The following RGPD5 variants were observed in gnomAD, a reference collection of about 807,000 sequenced individuals.
RGPD5 encodes RANBP2-like and GRIP domain-containing protein 5/6.
chr2:109,766,847 G>A, the RGPD5 span, among the ~76,000 whole-genome samples: 36 of 150,182 alleles, frequency 2.4e-4, 1 homozygote, highest in African/African-American at 7.6e-4. Context: ...TCGAGGCCCC[G>A]TAAAAGACGA....
the RGPD5 span, among the ~76,000 whole-genome samples, chr2:109,775,028 G>T: frequency 1.6e-5 from 1 of 62,750 alleles, no homozygotes; most frequent in African/African-American, 8.0e-5. Context: ...TCATTTTGCT[G>T]TTTCTTCTTA....
the RGPD5 span, among the ~76,000 whole-genome samples, chr2:109,771,459 T>C: frequency 1.9e-5 from 2 of 105,074 alleles, no homozygotes. Flanking sequence ...CGCAGAAGCA[T>C]GTCTACGTGC....
At chr2:109,765,914 A>C in the RGPD5 span, among the ~76,000 whole-genome samples, 4 of 150,492 alleles carry the variant, frequency 2.7e-5, no homozygotes, top group Non-Finnish European at 5.9e-5. Flanking sequence ...CCTGATCTTG[A>C]CCTTCAGGTG....
At position 109,799,261 on chromosome 2, in the gene RGPD5, G is replaced by C. The variant is rs1315306971; in HGVS notation, c.73-2522G>C. On this transcript the variant is annotated intron_variant, in intron 1 of 22. Coordinates refer to ENST00000016946, the MANE Select transcript of RGPD5 (RefSeq NM_005054.3). Reference sequence around the variant, plus strand: ...TCAAAAAAAAAAAAAAAAAAGGAAGGGGGGAACAGGCCTTGTTCCTTTATG... The same window carrying C: ...TCAAAAAAAAAAAAAAAAAAGGAAGCGGGGAACAGGCCTTGTTCCTTTATG... Among the ~76,000 whole-genome samples the C allele has an allele frequency of 1.4e-4, 19 of 136,850 alleles. No homozygotes were observed. The East Asian group carries it at 3.3e-3, about 24-fold the overall frequency. 89.8% of individuals were successfully genotyped at this position (136,850 alleles called of 152,430 possible).
At chr2:109,778,437 T>C in the RGPD5 span, among the ~76,000 whole-genome samples, 1 of 149,900 alleles carries the variant, frequency 6.7e-6, no homozygotes, top group Non-Finnish European at 1.5e-5. Context: ...TCTTAGCTTT[T>C]CTATTATCTC....
the RGPD5 span, among the ~76,000 whole-genome samples, chr2:109,765,745 A>G: frequency 6.6e-6 from 1 of 151,042 alleles, no homozygotes; most frequent in African/African-American, 2.4e-5. Flanking sequence ...ATGCAGAGGC[A>G]CTAGCAGTTT....
At chr2:109,780,682 CA>C in the RGPD5 span, among the ~76,000 whole-genome samples, 3 of 101,574 alleles carry the variant, frequency 3.0e-5, 1 homozygote, top group African/African-American at 1.5e-4. Flanking sequence ...GTCGAACTGT[CA>C]AACACAAGCA....
At chr2:109,760,673 G>GGCGGCGGCGGCGGTA in the RGPD5 span, among the ~76,000 whole-genome samples, 1 of 145,266 alleles carries the variant, frequency 6.9e-6, no homozygotes, top group East Asian at 2.2e-4. Context: ...CCCGAGCTTC[G>GGCGGCGGCGGCGGTA]GCGGCGGCGG....
the RGPD5 span, among the ~76,000 whole-genome samples, chr2:109,760,910 G>T: frequency 7.4e-6 from 1 of 134,260 alleles, no homozygotes; most frequent in South Asian, 2.6e-4. Flanking sequence ...CGCCTGCCTC[G>T]CCAGCCCTTT....
the RGPD5 span, among the ~76,000 whole-genome samples, chr2:109,760,665 C>A: frequency 1.4e-5 from 2 of 140,710 alleles, no homozygotes; most frequent in African/African-American, 2.6e-5. Flanking sequence ...GCGGGCGGCC[C>A]GAGCTTCGGC....
the RGPD5 span, among the ~76,000 whole-genome samples, chr2:109,766,728 A>G: frequency 6.7e-6 from 1 of 148,842 alleles, no homozygotes; most frequent in African/African-American, 2.5e-5. Context: ...AAACCTCTCA[A>G]TATGGAATGC....
chr2:109,763,074 T>A, the RGPD5 span, among the ~76,000 whole-genome samples: 1 of 150,204 alleles, frequency 6.7e-6, no homozygotes, highest in Non-Finnish European at 1.5e-5. Flanking sequence ...TATTTTCATA[T>A]CCATTGTTTT....
the RGPD5 span, among the ~76,000 whole-genome samples, chr2:109,766,241 GC>G: frequency 2.0e-5 from 3 of 151,294 alleles, no homozygotes; most frequent in Non-Finnish European, 4.4e-5. Context: ...AGGGCTGTGG[GC>G]AGCAGTGGGG....
the RGPD5 span, among the ~76,000 whole-genome samples, chr2:109,764,499 C>T: frequency 1.3e-5 from 2 of 149,432 alleles, no homozygotes; most frequent in African/African-American, 4.9e-5. Flanking sequence ...GTGCTGGTTT[C>T]TGTGGGAGAT....
the RGPD5 span, among the ~76,000 whole-genome samples, chr2:109,763,088 A>G: frequency 1.3e-5 from 2 of 150,140 alleles, no homozygotes; most frequent in Admixed American, 1.4e-4. Context: ...TTGTTTTCTT[A>G]TTTGAGTCTC....
At chr2:109,766,785 T>C in the RGPD5 span, among the ~76,000 whole-genome samples, 2 of 150,118 alleles carry the variant, frequency 1.3e-5, no homozygotes, top group African/African-American at 4.9e-5. Flanking sequence ...TAGATTTGCC[T>C]GTTTGATTTT....
the RGPD5 span, among the ~76,000 whole-genome samples, chr2:109,765,818 TG>T: frequency 6.6e-6 from 1 of 150,932 alleles, no homozygotes. Context: ...TCAAATCAAC[TG>T]CCAGGGGACA....
chr2:109,766,254 A>G, the RGPD5 span, among the ~76,000 whole-genome samples: 2 of 151,168 alleles, frequency 1.3e-5, no homozygotes, highest in Non-Finnish European at 2.9e-5. Flanking sequence ...GCAGTGGGGA[A>G]GGGGCTGCTC....
the RGPD5 span, among the ~76,000 whole-genome samples, chr2:109,766,364 G>A: frequency 2.0e-5 from 3 of 150,670 alleles, no homozygotes; most frequent in African/African-American, 7.3e-5. Context: ...TTTGGAGAAA[G>A]CTGGGTGGAG....
Sources: gnomAD v4.1 joint callset for allele counts (sites outside exome capture counted in the v4.1 genomes callset) on GRCh38, gnomAD v4.1.1 for gene constraint, MANE v1.5 for transcripts, NCBI Gene and HGNC (gene_info 2026-07-23, HGNC 2026-07-21) for gene names.